Variants in NBDY observed in about 807,000 individuals in gnomAD.
NBDY encodes P-body dissociating protein.
chrX:56,729,474 C>T lies in NBDY; in HGVS notation c.121C>T (p.Pro41Ser). 3.4e-6 allele frequency: 1 copy of T among 297,922 alleles called. No individual in the cohort carries two copies. Among genetic ancestry groups the T allele is most frequent in the Non-Finnish European group, 5.9e-6 (1 of 170,338 alleles). The allele number at this position is 297,922 out of a possible 1,213,427, so 24.6% of individuals were successfully genotyped here. Residue 41 changes from proline to serine, a missense_variant, in exon 1 of 3, where the codon CCC becomes TCC. Pro to Ser is a moderately conservative substitution (Grantham distance 74, BLOSUM62 -1). Transcript: ENST00000374922. The stretch of plus-strand genomic sequence containing the variant: ...GCGTTGGGATTATCCGGAAGGAACT[C>T]CCAACGGAGGTAGTACCACTCTACC... ...APRWDYPEGT[P>S]NGGSTTLPSA...
At chrX:56,765,847 C>T (rs1238883696) in intron 2 of NBDY, among the ~76,000 whole-genome samples, 1 of 109,968 alleles carries the variant, frequency 9.1e-6, no homozygotes, top group Admixed American at 9.8e-5. Flanking sequence ...GCTTTTGCTT[C>T]TGCTTCTGAT....
intron 2 of NBDY, among the ~76,000 whole-genome samples, chrX:56,815,632 G>A (rs1490839773): frequency 1.8e-5 from 2 of 111,960 alleles, no homozygotes; most frequent in South Asian, 3.6e-4. Flanking sequence ...ATTGGAAACT[G>A]TCTCAGTTAT....
intron 2 of NBDY, among the ~76,000 whole-genome samples, chrX:56,802,935 T>G (rs1324439959): frequency 1.8e-5 from 2 of 111,816 alleles, no homozygotes; most frequent in Non-Finnish European, 3.8e-5. Flanking sequence ...CCTGTCTTTT[T>G]TTTGTTTCTC....
intron 2 of NBDY, among the ~76,000 whole-genome samples, chrX:56,734,621 C>T (rs2069477255): frequency 8.9e-6 from 1 of 111,794 alleles, no homozygotes; most frequent in South Asian, 3.7e-4. Context: ...CCATCCTAAT[C>T]AAAGCTGTCA....
At chrX:56,799,686 A>G (rs1024599163) in intron 2 of NBDY, among the ~76,000 whole-genome samples, 17 of 112,950 alleles carry the variant, frequency 1.5e-4, no homozygotes, top group Non-Finnish European at 2.3e-4. Context: ...ACAAATGGCA[A>G]TCACCCCTTT....
chrX:56,739,260 A>ATATATATATATG (rs1268251033), intron 2 of NBDY, among the ~76,000 whole-genome samples: 2 of 80,507 alleles, frequency 2.5e-5, no homozygotes, highest in African/African-American at 5.3e-5. Flanking sequence ...ATATATATAT[A>ATATATATATATG]TATGTATGTA....
At chrX:56,801,981 C>CAT (rs1429303557) in intron 2 of NBDY, among the ~76,000 whole-genome samples, 2 of 12,997 alleles carry the variant, frequency 1.5e-4, no homozygotes, top group African/African-American at 4.5e-4. Flanking sequence ...CTCATAGACA[C>CAT]ACACACACAC....
In NBDY at chrX:56,753,848, A is replaced by G. The variant is rs148719061; in HGVS notation, c.*166+21649A>G. On this transcript the variant is annotated intron_variant, in intron 2 of 2. Coordinates refer to ENST00000374922, the MANE Select transcript of NBDY (RefSeq NM_001348129.2). ...GAGGTCCTGTATTAGTGACTTTGGT[A>G]AGAGAAGATTTATTGGCATAGAAGG... 1.7e-4 allele frequency among the ~76,000 whole-genome samples: 19 copies of G among 111,517 alleles called. 1 individual carries two copies. Among genetic ancestry groups the G allele is most frequent in the African/African-American group, 5.5e-4 (17 of 30,711 alleles).
At chrX:56,746,648 C>A (rs1413019336) in intron 2 of NBDY, among the ~76,000 whole-genome samples, 2 of 110,020 alleles carry the variant, frequency 1.8e-5, no homozygotes, top group East Asian at 2.9e-4. Context: ...CCGTTCCTTG[C>A]CACTGTAGAT....
chrX:56,745,732 CT>C (rs910866195), intron 2 of NBDY, among the ~76,000 whole-genome samples: 40 of 109,246 alleles, frequency 3.7e-4, no homozygotes, highest in African/African-American at 1.0e-3. Context: ...AGCACCCTCC[CT>C]TTTTTTTTCT....
In NBDY at chrX:56,814,595, C is replaced by T. The variant is rs973100060; in HGVS notation, c.*167-2725C>T. 6.4e-5 allele frequency among the ~76,000 whole-genome samples: 7 copies of T among 109,737 alleles called. No homozygotes were observed. In the East Asian group the frequency reaches 1.1e-3, roughly 18 times the overall value. On this transcript the variant is annotated intron_variant, in intron 2 of 2. Coordinates refer to ENST00000374922, the MANE Select transcript of NBDY (RefSeq NM_001348129.2). Reference sequence around the variant, plus strand: ...GCAACCTCCACCTCCCAGGTTCAACCGATTCTTCTGCCTCAGGCTCCTGAG... The same window carrying T: ...GCAACCTCCACCTCCCAGGTTCAACTGATTCTTCTGCCTCAGGCTCCTGAG...
At chrX:56,808,042 G>A (rs538660169) in intron 2 of NBDY, among the ~76,000 whole-genome samples, 17 of 111,899 alleles carry the variant, frequency 1.5e-4, no homozygotes, top group Non-Finnish European at 2.6e-4. Flanking sequence ...TGTATTTGTC[G>A]GAGGCCTTTT....
intron 2 of NBDY, among the ~76,000 whole-genome samples, chrX:56,798,115 A>T (rs773090042): frequency 3.6e-5 from 4 of 112,195 alleles, no homozygotes; most frequent in African/African-American, 1.3e-4. Context: ...GCAATGGGCT[A>T]TGGGCAAGCA....
chrX:56,806,516 C>T (rs1015499809), intron 2 of NBDY, among the ~76,000 whole-genome samples: 4 of 112,204 alleles, frequency 3.6e-5, no homozygotes, highest in Admixed American at 2.8e-4. Flanking sequence ...ACCATTGTAA[C>T]GGGCATGAAA....
intron 1 of NBDY, among the ~76,000 whole-genome samples, chrX:56,730,513 C>CAAAAA (rs1157131797): frequency 0.053 from 597 of 11,193 alleles, 138 homozygotes; most frequent in African/African-American, 0.099. Context: ...AACTACGTCT[C>CAAAAA]AAAAAAAAAA....
At chrX:56,791,068 A>C (rs1462883425) in intron 2 of NBDY, among the ~76,000 whole-genome samples, 1 of 111,923 alleles carries the variant, frequency 8.9e-6, no homozygotes, top group Non-Finnish European at 1.9e-5. Context: ...CCAGCTGTCC[A>C]CCTGAGGCAC....
chrX:56,787,479 G>T (rs1341695258), intron 2 of NBDY, among the ~76,000 whole-genome samples: 1 of 111,592 alleles, frequency 9.0e-6, no homozygotes, highest in African/African-American at 3.3e-5. Flanking sequence ...AGCATTCCTG[G>T]CTGCAGGTGT....
At chrX:56,802,746 G>A (rs2069830087) in intron 2 of NBDY, among the ~76,000 whole-genome samples, 1 of 112,724 alleles carries the variant, frequency 8.9e-6, no homozygotes, top group African/African-American at 3.2e-5. Context: ...TGTATCATTT[G>A]TCTTCTATTT....
In NBDY at chrX:56,792,462, G is replaced by A. The variant is rs1183058893; in HGVS notation, c.*167-24858G>A. ...TGCCTACTCTCACTCACACAGGCAG[G>A]CACCCACAGACCACAGACACAATGC... On this transcript the variant is annotated intron_variant, in intron 2 of 2. Coordinates refer to ENST00000374922, the MANE Select transcript of NBDY (RefSeq NM_001348129.2). Among the ~76,000 whole-genome samples, 3 of 110,982 alleles carry A rather than the reference G, an allele frequency of 2.7e-5. No individual in the cohort carries two copies. In the Admixed American group the frequency reaches 2.9e-4, roughly 11 times the overall value.
Sources: gnomAD v4.1 joint callset for allele counts (sites outside exome capture counted in the v4.1 genomes callset) on GRCh38, gnomAD v4.1.1 for gene constraint, MANE v1.5 for transcripts, NCBI Gene and HGNC (gene_info 2026-07-23, HGNC 2026-07-21) for gene names.